The following FXR1 variants were observed in gnomAD, a reference collection of about 807,000 sequenced individuals.
FXR1 encodes FMR1 autosomal homolog 1, also known as RNA-binding protein FXR1.
A neutral mutation model predicts 84.0 loss-of-function variants in FXR1; 15 were observed. The ratio of observed to expected loss-of-function variants is 0.18; its 90% CI spans 0.12 to 0.27. The LOEUF is 0.27. FXR1 is among the 10% of genes least tolerant of loss of function. The pLI, the probability that FXR1 is intolerant of heterozygous loss-of-function variation, is 1.00. For synonymous variants in FXR1, 245 were observed against 250.7 expected, an observed-to-expected ratio of 0.98 and a Z score of 0.21; for missense variants, 480 against 774.4, an observed-to-expected ratio of 0.62 and a Z score of 4.51.
At chr3:180,920,082 C>G (rs1472070810) in intron 1 of FXR1, among the ~76,000 whole-genome samples, 1 of 152,156 alleles carries the variant, frequency 6.6e-6, no homozygotes, top group Non-Finnish European at 1.5e-5. Flanking sequence ...AGTAAAATAG[C>G]TGATGAAGTT....
chr3:180,930,466 T>G (rs1719756003), intron 1 of FXR1, among the ~76,000 whole-genome samples: 1 of 152,128 alleles, frequency 6.6e-6, no homozygotes, highest in African/African-American at 2.4e-5. Flanking sequence ...TCCTAGTGAT[T>G]TAGAGTTCTG....
At chr3:180,930,278 G>A (rs896134636) in intron 1 of FXR1, among the ~76,000 whole-genome samples, 1 of 151,666 alleles carries the variant, frequency 6.6e-6, no homozygotes, top group Non-Finnish European at 1.5e-5. Context: ...AAAAAAGAAA[G>A]TAGTTGTACA....
intron 15 of FXR1, chr3:180,970,779 G>A (rs903865872): frequency 6.4e-6 from 1 of 157,168 alleles, no homozygotes; most frequent in African/African-American, 2.4e-5. Flanking sequence ...ATTAACTTCG[G>A]TATAAACCAA....
chr3:180,931,807 T>C (rs28544188), intron 1 of FXR1, among the ~76,000 whole-genome samples: 34,222 of 145,142 alleles, frequency 0.24, 4,250 homozygotes, highest in African/African-American at 0.3. Context: ...GCAGCATGGT[T>C]ATGGCTCACT....
chr3:180,976,373 G>C lies in FXR1; in HGVS notation c.*81G>C. 1 of 943,766 alleles carries C rather than the reference G, an allele frequency of 1.1e-6. No individual in the cohort carries two copies. The allele number at this position is 943,766 out of a possible 1,614,324, so 58.5% of individuals were successfully genotyped here. A position where few individuals can be genotyped will look rare whatever the true frequency, so the allele number is the denominator to read the frequency against. On this transcript the variant is annotated 3_prime_UTR_variant, in exon 17 of 17. Coordinates refer to ENST00000357559, the MANE Select transcript of FXR1 (RefSeq NM_005087.4). ...TACAAGCTTGCCAAAGATAGAATAT[G>C]GATCGCCAGTCTTTACATCGCACTT... is the stretch of plus-strand genomic sequence containing the variant.
chr3:180,967,026 T>G (rs886573401), intron 13 of FXR1, among the ~76,000 whole-genome samples: 1 of 152,178 alleles, frequency 6.6e-6, no homozygotes, highest in African/African-American at 2.4e-5. Flanking sequence ...TTAGAAATGG[T>G]CTGTAAACTT....
chr3:180,927,586 T>C, intron 1 of FXR1: 1 of 593,086 alleles, frequency 1.7e-6, no homozygotes, highest in Non-Finnish European at 3.0e-6. Flanking sequence ...AGCTATATTC[T>C]GTAATTTCAA....
At chr3:180,935,032 T>C (rs1245467712) in intron 2 of FXR1, 106 bp from the exon 3 acceptor site, 7 of 577,880 alleles carry the variant, frequency 1.2e-5, no homozygotes, top group Non-Finnish European at 2.2e-5. Flanking sequence ...GTTGTTTTCC[T>C]TCTCTTTAGG....
At chr3:180,959,649 C>G (rs892278848) in intron 10 of FXR1, among the ~76,000 whole-genome samples, 5 of 151,760 alleles carry the variant, frequency 3.3e-5, no homozygotes, top group Non-Finnish European at 5.9e-5. Context: ...CCTCCCACCC[C>G]CCTTTTTATT....
intron 4 of FXR1, 64 bp downstream of exon 4, chr3:180,948,000 T>C: frequency 2.2e-6 from 2 of 909,630 alleles, no homozygotes; most frequent in South Asian, 1.5e-5. Context: ...GCTTGGTTTT[T>C]GTAAATCTTA....
chr3:180,955,889 G>C (rs1217465755), intron 9 of FXR1, among the ~76,000 whole-genome samples: 1 of 152,124 alleles, frequency 6.6e-6, no homozygotes, highest in Non-Finnish European at 1.5e-5. Context: ...TCCTGTCTAC[G>C]TTGGCTTTGG....
At position 180,977,895 on chromosome 3, in the gene FXR1, G is replaced by T. The variant is rs977246205; in HGVS notation, c.*1603G>T. On this transcript the variant is annotated 3_prime_UTR_variant, in exon 17 of 17. Coordinates refer to ENST00000357559, the MANE Select transcript of FXR1 (RefSeq NM_005087.4). ...CTAGCCCTCAAATTATTCTGATTAA[G>T]GTTAAAATGTGCTGGTATTACGTGC... 2 of 152,000 alleles carry T rather than the reference G, an allele frequency of 1.3e-5. No individual in the cohort carries two copies. Among genetic ancestry groups the T allele is most frequent in the Non-Finnish European group, 2.9e-5 (2 of 67,960 alleles). 9.4% of individuals were successfully genotyped at this position (152,000 alleles called of 1,614,324 possible).
intron 1 of FXR1, among the ~76,000 whole-genome samples, chr3:180,919,099 A>C (rs986418720): frequency 3.9e-5 from 6 of 152,294 alleles, no homozygotes; most frequent in East Asian, 1.9e-4. Context: ...AGGTTCCCAG[A>C]GAAATGATTT....
Position 180,978,380 on chromosome 3 carries a change from T to C in FXR1, c.*2088T>C, listed in dbSNP as rs1433887135. 1 of 152,096 alleles carries C rather than the reference T, an allele frequency of 6.6e-6. No homozygotes were observed. Among genetic ancestry groups the C allele is most frequent in the East Asian group, 1.9e-4 (1 of 5,194 alleles). 9.4% of individuals were successfully genotyped at this position (152,096 alleles called of 1,614,324 possible). A position where few individuals can be genotyped will look rare whatever the true frequency, so the allele number is the denominator to read the frequency against. On this transcript the variant is annotated 3_prime_UTR_variant, in exon 17 of 17. Transcript: ENST00000357559. The stretch of plus-strand genomic sequence containing the variant: ...TTACAAATGACTAAACCCAATGTCT[T>C]GTCCTTTAAAAAATATAGGTAGTGC...
At chr3:180,956,933 A>G (rs368665499) in intron 9 of FXR1, among the ~76,000 whole-genome samples, 1 of 152,222 alleles carries the variant, frequency 6.6e-6, no homozygotes, top group East Asian at 1.9e-4. Context: ...GAAAAGTGAT[A>G]TACTTAAATT....
rs1212201502 is a variant in FXR1 at position 180,980,564 on chromosome 3, GCTTC to G, written c.*4276_*4279del. On this transcript the variant is annotated 3_prime_UTR_variant, in exon 17 of 17. Transcript: ENST00000357559. ...TGGTTGCTTACATTTCAACCTCTAG[GCTTC>G]CTTTTTCAGCTAACTTGGCTGTCTT... is the stretch of plus-strand genomic sequence containing the variant. The G allele has an allele frequency of 6.6e-6, 1 of 151,778 alleles. No homozygotes were observed. The highest frequency in any genetic ancestry group is 1.5e-5 in the Non-Finnish European group (1 of 67,864). The allele number at this position is 151,778 out of a possible 1,614,324, so 9.4% of individuals were successfully genotyped here. A position where few individuals can be genotyped will look rare whatever the true frequency, so the allele number is the denominator to read the frequency against.
chr3:180,941,606 C>G (rs1721127749), intron 3 of FXR1, among the ~76,000 whole-genome samples: 1 of 152,144 alleles, frequency 6.6e-6, no homozygotes, highest in Non-Finnish European at 1.5e-5. Flanking sequence ...TGTAGTTTTT[C>G]TCATCATACC....
In FXR1 at chr3:180,948,328, G is replaced by T; in HGVS notation, c.271-19G>T. On this transcript the variant is annotated intron_variant, in intron 4 of 16. Coordinates refer to ENST00000357559, the MANE Select transcript of FXR1 (RefSeq NM_005087.4). Reference sequence around the variant, plus strand: ...TTTTTGTTCAGATGGGATTTTTAAAGTATTTTGATGTCTTTTAGTTTTATG... The same window carrying T: ...TTTTTGTTCAGATGGGATTTTTAAATTATTTTGATGTCTTTTAGTTTTATG... 6.5e-7 allele frequency: 1 copy of T among 1,537,388 alleles called. No homozygotes were observed. The highest frequency in any genetic ancestry group is 8.9e-7 in the Non-Finnish European group (1 of 1,123,830).
At chr3:180,963,920 T>G (rs1276406145) in intron 13 of FXR1, among the ~76,000 whole-genome samples, 1 of 152,170 alleles carries the variant, frequency 6.6e-6, no homozygotes, top group Admixed American at 6.5e-5. Flanking sequence ...TCTTCACTCC[T>G]ATACTTACTC....
Sources: allele counts gnomAD v4.1 joint callset (sites outside exome capture counted in the v4.1 genomes callset), GRCh38; gene constraint gnomAD v4.1.1; transcripts MANE v1.5; gene names NCBI Gene and HGNC (gene_info 2026-07-23, HGNC 2026-07-21).